Variants in FBXW11 observed in about 807,000 individuals in gnomAD.
FBXW11 encodes F-box and WD repeat domain containing 11, also known as F-box/WD repeat-containing protein 11.
FBXW11 carries 19 observed loss-of-function variants against 77.6 expected under a neutral mutation model. The observed-to-expected ratio is 0.24, with a 90% confidence interval of 0.17 to 0.36. FBXW11 has a LOEUF of 0.36. Among genes scored for constraint, FBXW11 ranks in the 10% least tolerant of loss-of-function variants. FBXW11 has a pLI of 1.00. For missense variants in FBXW11, 334 were observed against 704.2 expected (o/e 0.47, Z 5.95); for synonymous variants, 235 against 249.4 (o/e 0.94, Z 0.54).
intron 2 of FBXW11, among the ~76,000 whole-genome samples, chr5:171,933,130 C>CAAAAA (rs774171489): frequency 2.7e-5 from 1 of 36,814 alleles, no homozygotes; most frequent in Non-Finnish European, 5.2e-5. Context: ...GACCTTCTCT[C>CAAAAA]AAAAAAAAAA....
chr5:171,915,650 T>TGTGTGTGTGTGTGA (rs982596459), intron 2 of FBXW11, among the ~76,000 whole-genome samples: 34 of 151,208 alleles, frequency 2.2e-4, no homozygotes, highest in Non-Finnish European at 3.8e-4. Context: ...TGTGTGTGTG[T>TGTGTGTGTGTGTGA]GAGCCTGAGC....
chr5:171,881,417 C>G (rs1011265556), intron 7 of FBXW11, among the ~76,000 whole-genome samples: 5 of 152,164 alleles, frequency 3.3e-5, no homozygotes, highest in Admixed American at 3.3e-4. Context: ...GTTTTTATCA[C>G]GAAAGAGTGT....
chr5:172,005,039 C>T (rs76368376), intron 1 of FBXW11, among the ~76,000 whole-genome samples: 2,608 of 152,218 alleles, frequency 0.017, 71 homozygotes, highest in African/African-American at 0.06. Context: ...ATTTTTAAAA[C>T]AAGCATCTCA....
At chr5:171,900,405 C>CA (rs1175465859) in intron 4 of FBXW11, among the ~76,000 whole-genome samples, 43 of 152,148 alleles carry the variant, frequency 2.8e-4, no homozygotes, top group African/African-American at 1.0e-3. Context: ...ATAACTCTCA[C>CA]AGCACTCCTA....
intron 7 of FBXW11, among the ~76,000 whole-genome samples, chr5:171,880,536 C>A (rs1758429803): frequency 6.6e-6 from 1 of 152,214 alleles, no homozygotes; most frequent in African/African-American, 2.4e-5. Context: ...GACTGACATC[C>A]TCACAATAGT....
intron 1 of FBXW11, 56 bp from the exon 2 acceptor site, chr5:171,957,754 C>G (rs1763689813): frequency 9.2e-6 from 13 of 1,409,522 alleles, no homozygotes; most frequent in Admixed American, 3.4e-5. Flanking sequence ...CGCAACAAAT[C>G]ACTCCTTCAC....
chr5:171,900,360 C>G (rs185035538), intron 4 of FBXW11, among the ~76,000 whole-genome samples: 1 of 152,150 alleles, frequency 6.6e-6, no homozygotes. Context: ...TGTTATTTGT[C>G]AAATATTAAG....
At chr5:171,977,825 T>C (rs950645856) in intron 1 of FBXW11, 2 of 255,094 alleles carry the variant, frequency 7.8e-6, no homozygotes, top group Non-Finnish European at 1.6e-5. Context: ...CCTGCTCCCA[T>C]GATTCAATCA....
intron 6 of FBXW11, among the ~76,000 whole-genome samples, chr5:171,897,694 ATT>A (rs1188116164): frequency 6.6e-6 from 1 of 152,178 alleles, no homozygotes; most frequent in South Asian, 2.1e-4. Flanking sequence ...TTTTCAAAGA[ATT>A]TTTTTGATAA....
At chr5:171,894,541 C>T (rs968364236) in intron 6 of FBXW11, among the ~76,000 whole-genome samples, 4 of 152,132 alleles carry the variant, frequency 2.6e-5, no homozygotes, top group African/African-American at 9.7e-5. Context: ...TGCTTTGCTG[C>T]GCACCAATCC....
chr5:171,992,157 C>T (rs530854391), intron 1 of FBXW11, among the ~76,000 whole-genome samples: 8 of 149,018 alleles, frequency 5.4e-5, no homozygotes, highest in Admixed American at 1.3e-4. Context: ...AGGCCGGATG[C>T]GGTGGCTCAT....
chr5:171,970,885 G>A (rs1764488959), intron 1 of FBXW11, among the ~76,000 whole-genome samples: 1 of 152,148 alleles, frequency 6.6e-6, no homozygotes, highest in Admixed American at 6.5e-5. Flanking sequence ...CAGTCCACTG[G>A]GCTCTAAGAA....
At chr5:171,973,198 T>G (rs1764629484) in intron 1 of FBXW11, among the ~76,000 whole-genome samples, 2 of 151,806 alleles carry the variant, frequency 1.3e-5, no homozygotes, top group Admixed American at 6.6e-5. Flanking sequence ...TTATAAGAAA[T>G]ACAAAGAGGA....
chr5:171,902,360 T>C lies in FBXW11; in HGVS notation c.437-2260A>G, dbSNP rs146908639. ...CTGCTTGGTAACCCTTTTAAACATATCTAGTTCATGTTCATTATAGAAAAT... is the reference window on the plus strand; with the variant it reads ...CTGCTTGGTAACCCTTTTAAACATACCTAGTTCATGTTCATTATAGAAAAT... On this transcript the variant is annotated intron_variant, in intron 4 of 13. Coordinates refer to ENST00000517395, the MANE Select transcript of FBXW11 (RefSeq NM_001378974.1). Among the ~76,000 whole-genome samples the C allele has an allele frequency of 3.9e-3, 594 of 152,304 alleles. 13 individuals carry two copies. The highest frequency in any genetic ancestry group is 0.03 in the Admixed American group (462 of 15,298).
chr5:171,964,494 T>TG (rs1764079869), intron 1 of FBXW11, among the ~76,000 whole-genome samples: 1 of 152,226 alleles, frequency 6.6e-6, no homozygotes, highest in Non-Finnish European at 1.5e-5. Flanking sequence ...TGCTGAAGAC[T>TG]GCCAAATAAA....
At chr5:171,865,871 T>G (rs191166960) in intron 13 of FBXW11, among the ~76,000 whole-genome samples, 1 of 152,332 alleles carries the variant, frequency 6.6e-6, no homozygotes, top group African/African-American at 2.4e-5. Context: ...CGGGTGAGTA[T>G]TTTACTGCAA....
intron 6 of FBXW11, 108 bp from the exon 7 acceptor site, chr5:171,891,712 C>A: frequency 9.0e-7 from 1 of 1,105,552 alleles, no homozygotes; most frequent in East Asian, 2.6e-5. Context: ...ATACCCCAAT[C>A]TTGGTTTGCA....
chr5:171,891,621 G>T lies in FBXW11; in HGVS notation c.715-17C>A. The T allele has an allele frequency of 6.2e-7, 1 of 1,600,386 alleles. No individual in the cohort carries two copies. The highest frequency in any genetic ancestry group is 8.5e-7 in the Non-Finnish European group (1 of 1,175,756). The stretch of plus-strand genomic sequence containing the variant: ...TTCTATAGTCTAGGGAAAAAAGGAG[G>T]CAAGAGATGAGTTTTTATGAATCAA... On this transcript the variant is annotated splice_polypyrimidine_tract_variant and intron_variant, in intron 6 of 13. Transcript: ENST00000517395.
chr5:171,898,017 GTTACT>G (rs1759864898), intron 6 of FBXW11, among the ~76,000 whole-genome samples: 2 of 152,022 alleles, frequency 1.3e-5, no homozygotes, highest in Non-Finnish European at 1.5e-5. Context: ...TCCTTAAAGG[GTTACT>G]TTATAGATCA....
Sources: allele counts gnomAD v4.1 joint callset (sites outside exome capture counted in the v4.1 genomes callset), GRCh38; gene constraint gnomAD v4.1.1; transcripts MANE v1.5; gene names NCBI Gene and HGNC (gene_info 2026-07-23, HGNC 2026-07-21).